Variants in CRYL1 observed in about 807,000 individuals in gnomAD.
CRYL1 encodes the protein crystallin lambda 1.
A neutral mutation model predicts 36.6 loss-of-function variants in CRYL1; 29 were observed. That is an observed-to-expected ratio of 0.79 (90% CI 0.59 to 1.08). The LOEUF is 1.08. CRYL1 is among the 50% of genes least tolerant of loss of function. The pLI is 0.00. For synonymous variants in CRYL1, 152 were observed against 151.5 expected, an observed-to-expected ratio of 1.00 and a Z score of -0.02; for missense variants, 411 against 407.9, an observed-to-expected ratio of 1.01 and a Z score of -0.06.
intron 6 of CRYL1, among the ~76,000 whole-genome samples, chr13:20,410,196 T>C (rs1593425812): frequency 6.8e-6 from 1 of 148,072 alleles, no homozygotes; most frequent in East Asian, 2.0e-4. Context: ...TGGAATACTA[T>C]GCAGCCATAA....
Position 20,433,232 on chromosome 13 carries a change from A to G in CRYL1, c.439-936T>C, listed in dbSNP as rs2032115131. Among the ~76,000 whole-genome samples the G allele has an allele frequency of 3.3e-5, 5 of 152,260 alleles. No homozygotes were observed. The South Asian group carries it at 1.0e-3, about 32-fold the overall frequency. ...GCCCCAAGGGAGGACCCTGGACTTC[A>G]CTGTTCAACTCTGGTGTTCTTGGTT... is the stretch of plus-strand genomic sequence containing the variant. On this transcript the variant is annotated intron_variant, in intron 4 of 7. Transcript: ENST00000298248.
intron 1 of CRYL1, among the ~76,000 whole-genome samples, chr13:20,523,614 G>C (rs1256646312): frequency 6.6e-6 from 1 of 152,066 alleles, no homozygotes; most frequent in South Asian, 2.1e-4. Context: ...GTGGGGCCAG[G>C]AAAGAAATAG....
chr13:20,455,292 T>C (rs570040927), intron 3 of CRYL1, among the ~76,000 whole-genome samples: 29 of 152,030 alleles, frequency 1.9e-4, no homozygotes, highest in Non-Finnish European at 3.8e-4. Context: ...CTACATAAAG[T>C]GGAGAGCTAC....
intron 1 of CRYL1, among the ~76,000 whole-genome samples, chr13:20,524,210 G>A (rs890468886): frequency 3.1e-4 from 47 of 152,218 alleles, no homozygotes; most frequent in African/African-American, 1.1e-3. Context: ...GCGACAGAGC[G>A]AGACCCTATC....
chr13:20,464,930 C>G (rs1218018682), intron 3 of CRYL1, among the ~76,000 whole-genome samples: 1 of 152,196 alleles, frequency 6.6e-6, no homozygotes, highest in Admixed American at 6.5e-5. Flanking sequence ...GAAAGAAAAC[C>G]TCTGCACCTT....
chr13:20,482,191 C>G (rs569002064), intron 3 of CRYL1, among the ~76,000 whole-genome samples: 24 of 152,324 alleles, frequency 1.6e-4, no homozygotes, highest in African/African-American at 7.2e-5. Context: ...GATTAGCATT[C>G]TCTCCATTTT....
intron 3 of CRYL1, among the ~76,000 whole-genome samples, chr13:20,472,515 T>C (rs1291618653): frequency 2.0e-5 from 3 of 152,200 alleles, no homozygotes; most frequent in African/African-American, 7.2e-5. Context: ...GTTTCTAATA[T>C]TATCTCCATT....
At chr13:20,494,839 A>G (rs2033577121) in intron 2 of CRYL1, among the ~76,000 whole-genome samples, 1 of 152,216 alleles carries the variant, frequency 6.6e-6, no homozygotes, top group African/African-American at 2.4e-5. Flanking sequence ...AGGAATGTGC[A>G]GTGGTGGTTC....
chr13:20,478,501 G>A (rs972084468), intron 3 of CRYL1, among the ~76,000 whole-genome samples: 4 of 152,028 alleles, frequency 2.6e-5, no homozygotes, highest in African/African-American at 9.7e-5. Flanking sequence ...TTTGAAACAG[G>A]GTCTTACTCT....
intron 3 of CRYL1, among the ~76,000 whole-genome samples, chr13:20,488,999 A>T (rs979160004): frequency 6.6e-6 from 1 of 152,276 alleles, no homozygotes; most frequent in Non-Finnish European, 1.5e-5. Context: ...ATTACATATG[A>T]GAACAATAAT....
chr13:20,426,640 T>C (rs976704055), intron 5 of CRYL1: 2 of 967,356 alleles, frequency 2.1e-6, no homozygotes, highest in Admixed American at 6.1e-5. Context: ...GGACGTGGTA[T>C]GTGCATACAA....
intron 3 of CRYL1, among the ~76,000 whole-genome samples, chr13:20,448,702 A>AT (rs2032505010): frequency 6.6e-6 from 1 of 152,238 alleles, no homozygotes; most frequent in African/African-American, 2.4e-5. Flanking sequence ...TTAGAATTCT[A>AT]TACCCAGCAA....
intron 2 of CRYL1, among the ~76,000 whole-genome samples, chr13:20,499,657 CA>C (rs1052973210): frequency 2.9e-4 from 41 of 143,248 alleles, no homozygotes; most frequent in Middle Eastern, 3.5e-3. Flanking sequence ...GACACACACA[CA>C]AAAAAAAATG....
At chr13:20,494,083 T>C (rs2033563474) in intron 2 of CRYL1, among the ~76,000 whole-genome samples, 1 of 152,220 alleles carries the variant, frequency 6.6e-6, no homozygotes, top group Non-Finnish European at 1.5e-5. Context: ...TTTTTAACTA[T>C]ACGATTTATA....
At chr13:20,475,797 C>T (rs965880352) in intron 3 of CRYL1, among the ~76,000 whole-genome samples, 2 of 152,192 alleles carry the variant, frequency 1.3e-5, no homozygotes, top group Admixed American at 1.3e-4. Flanking sequence ...CCACCACCTA[C>T]CAACTAGGAT....
intron 6 of CRYL1, among the ~76,000 whole-genome samples, chr13:20,412,162 A>G (rs1006508686): frequency 6.6e-6 from 1 of 151,996 alleles, no homozygotes; most frequent in Non-Finnish European, 1.5e-5. Context: ...TTTCCTGGAC[A>G]TCAGCTCCTG....
intron 6 of CRYL1, among the ~76,000 whole-genome samples, chr13:20,407,072 A>C (rs2031396810): frequency 1.3e-5 from 2 of 149,122 alleles, no homozygotes; most frequent in African/African-American, 4.9e-5. Flanking sequence ...CAAAACTTTT[A>C]TTCTGTTTTA....
At chr13:20,448,893 C>T (rs1253248381) in intron 3 of CRYL1, among the ~76,000 whole-genome samples, 10 of 152,144 alleles carry the variant, frequency 6.6e-5, no homozygotes, top group Non-Finnish European at 1.5e-4. Context: ...ATACACTGGG[C>T]GTGGTGGCTC....
chr13:20,498,201 A>G (rs951882612), intron 2 of CRYL1, among the ~76,000 whole-genome samples: 1 of 151,172 alleles, frequency 6.6e-6, no homozygotes, highest in Non-Finnish European at 1.5e-5. Context: ...ACACGCCACC[A>G]TACACACTAC....
Sources: gnomAD v4.1 joint callset for allele counts (sites outside exome capture counted in the v4.1 genomes callset) on GRCh38, gnomAD v4.1.1 for gene constraint, MANE v1.5 for transcripts, NCBI Gene and HGNC (gene_info 2026-07-23, HGNC 2026-07-21) for gene names.